Variants in SAMD5 observed in about 807,000 individuals in gnomAD.
The protein encoded by SAMD5 is sterile alpha motif domain containing 5.
In SAMD5, 13 loss-of-function variants were observed where a neutral mutation model predicts 11.3. The ratio of observed to expected loss-of-function variants is 1.15; its 90% CI spans 0.75 to 1.83. The LOEUF (loss-of-function observed/expected upper bound fraction) is 1.83. Ranked by LOEUF, SAMD5 falls within the 40% of genes most tolerant of loss-of-function variation. SAMD5 has a pLI of 0.00. For missense variants in SAMD5, 255 were observed against 239.1 expected (o/e 1.07, Z -0.44); for synonymous variants, 129 against 111.3 (o/e 1.16, Z -1.00).
At chr6:147,856,007 C>T in the SAMD5 span, among the ~76,000 whole-genome samples, 2 of 151,962 alleles carry the variant, frequency 1.3e-5, no homozygotes, top group Non-Finnish European at 2.9e-5. Context: ...TTGTAATAAC[C>T]AAAACCTGGA....
At position 147,564,542 on chromosome 6, in the gene SAMD5, A is replaced by G. The variant is rs1789006447; in HGVS notation, c.*86A>G. On this transcript the variant is annotated 3_prime_UTR_variant, in exon 2 of 2. Transcript: ENST00000367474. ...ATTTAGAACCTTCTTTCAAAAAGGG[A>G]AATGGATGATGACCCTGGAAATACT... 9.6e-7 allele frequency: 1 copy of G among 1,044,880 alleles called. No individual in the cohort carries two copies. Among genetic ancestry groups the G allele is most frequent in the African/African-American group, 1.6e-5 (1 of 62,690 alleles). 64.7% of individuals were successfully genotyped at this position (1,044,880 alleles called of 1,614,324 possible). A position where few individuals can be genotyped will look rare whatever the true frequency, so the allele number is the denominator to read the frequency against.
chr6:147,733,265 T>G (rs1791743912), intron 1 of SAMD5, among the ~76,000 whole-genome samples: 1 of 152,248 alleles, frequency 6.6e-6, no homozygotes, highest in Admixed American at 6.5e-5. Flanking sequence ...AACAGCCAGG[T>G]TTCTTCTTTT....
At position 147,567,831 on chromosome 6, in the gene SAMD5, T is replaced by C; in HGVS notation, c.*3375T>C. 1 of 984,960 alleles carries C rather than the reference T, an allele frequency of 1.0e-6. No individual in the cohort carries two copies. The highest frequency in any genetic ancestry group is 4.7e-5 in the South Asian group (1 of 21,274). The allele number at this position is 984,960 out of a possible 1,614,324, so 61.0% of individuals were successfully genotyped here. A position where few individuals can be genotyped will look rare whatever the true frequency, so the allele number is the denominator to read the frequency against. On this transcript the variant is annotated 3_prime_UTR_variant, in exon 2 of 2. Transcript: ENST00000367474. ...AGGCTACAGTACCTGCTCATAGGAG[T>C]TCAGTAAATGTTTATTGATTGAATG...
At chr6:147,919,128 G>T in the SAMD5 span, among the ~76,000 whole-genome samples, 1 of 152,158 alleles carries the variant, frequency 6.6e-6, no homozygotes, top group East Asian at 1.9e-4. Flanking sequence ...GGCAAATGGC[G>T]TAGTTTACAC....
the SAMD5 span, among the ~76,000 whole-genome samples, chr6:147,861,613 T>G: frequency 6.6e-6 from 1 of 152,208 alleles, no homozygotes; most frequent in African/African-American, 2.4e-5. Flanking sequence ...TTGAACCTGA[T>G]GCTCAGGGCC....
the SAMD5 span, among the ~76,000 whole-genome samples, chr6:147,784,627 T>C: frequency 1.4e-4 from 21 of 152,342 alleles, no homozygotes; most frequent in South Asian, 3.5e-3. Context: ...ATGTTCCGAA[T>C]TTTTCCTTCA....
intron 1 of SAMD5, among the ~76,000 whole-genome samples, chr6:147,705,400 G>A (rs962752482): frequency 1.3e-5 from 2 of 151,728 alleles, no homozygotes; most frequent in African/African-American, 4.8e-5. Context: ...ATTTTAAAAC[G>A]AATAATTTTC....
the SAMD5 span, among the ~76,000 whole-genome samples, chr6:147,891,451 G>T: frequency 6.6e-6 from 1 of 152,066 alleles, no homozygotes; most frequent in Non-Finnish European, 1.5e-5. Flanking sequence ...CTGTGTTGAG[G>T]GGGGCCATAG....
chr6:147,761,243 A>G, the SAMD5 span, among the ~76,000 whole-genome samples: 1 of 152,150 alleles, frequency 6.6e-6, no homozygotes, highest in Non-Finnish European at 1.5e-5. Flanking sequence ...GAATGATAAT[A>G]TATACCCTAC....
the SAMD5 span, among the ~76,000 whole-genome samples, chr6:147,873,469 TA>T: frequency 6.6e-6 from 1 of 152,104 alleles, no homozygotes; most frequent in African/African-American, 2.4e-5. Context: ...GTCTAGGGTT[TA>T]AAAAAATGCA....
intron 1 of SAMD5, among the ~76,000 whole-genome samples, chr6:147,652,347 T>C (rs994747229): frequency 6.6e-6 from 1 of 152,164 alleles, no homozygotes; most frequent in African/African-American, 2.4e-5. Flanking sequence ...ATTATAAGTG[T>C]TTTATAATAA....
At chr6:147,716,112 G>A (rs553095563) in intron 1 of SAMD5, among the ~76,000 whole-genome samples, 20 of 152,234 alleles carry the variant, frequency 1.3e-4, no homozygotes, top group African/African-American at 3.6e-4. Context: ...GCCTCCTGCC[G>A]CCATTCATGG....
At chr6:147,521,505 TAGAG>T (rs767909630) in intron 1 of SAMD5, among the ~76,000 whole-genome samples, 6 of 152,116 alleles carry the variant, frequency 3.9e-5, no homozygotes, top group Non-Finnish European at 7.4e-5. Context: ...ATTGGAGAAA[TAGAG>T]AGGGTGCAGT....
intron 1 of SAMD5, among the ~76,000 whole-genome samples, chr6:147,644,689 A>G (rs702357): frequency 0.64 from 97,840 of 152,060 alleles, 31,782 homozygotes; most frequent in South Asian, 0.78. Context: ...TTGATTTTCC[A>G]AGGTCACTTT....
chr6:147,628,909 C>G (rs1383777910), intron 1 of SAMD5, among the ~76,000 whole-genome samples: 1 of 152,118 alleles, frequency 6.6e-6, no homozygotes, highest in East Asian at 1.9e-4. Context: ...AGAATGCATT[C>G]TCCAGTGGAA....
At chr6:147,940,798 C>A in the SAMD5 span, among the ~76,000 whole-genome samples, 1 of 152,128 alleles carries the variant, frequency 6.6e-6, no homozygotes, top group African/African-American at 2.4e-5. Flanking sequence ...CCCGTCTCTA[C>A]TAAAAATACA....
chr6:147,610,055 G>A (rs1043908104), intron 1 of SAMD5, among the ~76,000 whole-genome samples: 2 of 152,248 alleles, frequency 1.3e-5, no homozygotes, highest in African/African-American at 4.8e-5. Flanking sequence ...TGCACATTAT[G>A]CTGTGTGCTG....
intron 1 of SAMD5, among the ~76,000 whole-genome samples, chr6:147,730,674 G>T (rs939668623): frequency 3.3e-5 from 5 of 152,116 alleles, no homozygotes; most frequent in Non-Finnish European, 7.4e-5. Context: ...AGCATATATA[G>T]ACAATAGACA....
chr6:147,600,843 G>A (rs528493933), intron 1 of SAMD5, among the ~76,000 whole-genome samples: 1 of 152,150 alleles, frequency 6.6e-6, no homozygotes, highest in African/African-American at 2.4e-5. Context: ...GTGAGATGAG[G>A]CTATCTCGAA....
Sources: allele counts gnomAD v4.1 joint callset (sites outside exome capture counted in the v4.1 genomes callset), GRCh38; gene constraint gnomAD v4.1.1; transcripts MANE v1.5; gene names NCBI Gene and HGNC (gene_info 2026-07-23, HGNC 2026-07-21).